Variants in SHTN1 observed in about 807,000 individuals in gnomAD.
SHTN1 encodes shootin-1.
Under a neutral mutation model 83.1 loss-of-function variants are expected in SHTN1, and 42 were observed. That is an observed-to-expected ratio of 0.51 (90% CI 0.39 to 0.65). SHTN1 has a LOEUF of 0.65. SHTN1 is among the 30% of genes least tolerant of loss of function. The pLI, the probability that SHTN1 is intolerant of heterozygous loss-of-function variation, is 0.00. For missense variants in SHTN1, 622 were observed against 737.8 expected, an observed-to-expected ratio of 0.84 and a Z score of 1.82; for synonymous variants, 224 against 247.7, an observed-to-expected ratio of 0.90 and a Z score of 0.90.
chr10:116,952,028 AT>A (rs757473379), intron 5 of SHTN1, 22 bp from the exon 6 acceptor site: 5 of 1,249,312 alleles, frequency 4.0e-6, no homozygotes, highest in East Asian at 5.4e-5. Flanking sequence ...AAGAAAAAAA[AT>A]ATATAAATAA....
intron 1 of SHTN1, among the ~76,000 whole-genome samples, chr10:117,059,811 A>G (rs1286473959): frequency 4.6e-5 from 7 of 152,170 alleles, no homozygotes; most frequent in Non-Finnish European, 8.8e-5. Context: ...ACAGTTTTGG[A>G]AGATTGTACC....
chr10:116,993,561 C>T (rs1463634710), intron 1 of SHTN1, among the ~76,000 whole-genome samples: 5 of 151,692 alleles, frequency 3.3e-5, no homozygotes, highest in African/African-American at 1.2e-4. Flanking sequence ...AAAAAAATAC[C>T]ATATATAATT....
chr10:117,063,327 T>C (rs1852928648), intron 1 of SHTN1, among the ~76,000 whole-genome samples: 1 of 152,192 alleles, frequency 6.6e-6, no homozygotes, highest in Non-Finnish European at 1.5e-5. Flanking sequence ...GGATCTGTCC[T>C]TTGGTGATCC....
At chr10:117,112,016 A>C (rs1853775060) in intron 1 of SHTN1, among the ~76,000 whole-genome samples, 1 of 151,998 alleles carries the variant, frequency 6.6e-6, no homozygotes, top group African/African-American at 2.4e-5. Context: ...CCCAGGCTGG[A>C]GTCCAGTGGC....
intron 1 of SHTN1, among the ~76,000 whole-genome samples, chr10:117,117,350 AAAG>A (rs558260403): frequency 1.3e-5 from 2 of 152,330 alleles, no homozygotes; most frequent in African/African-American, 4.8e-5. Context: ...CAATTTAAAC[AAAG>A]AAGTGAAAGA....
chr10:116,946,560 TA>T lies in SHTN1; in HGVS notation c.617-1543del, dbSNP rs1304408853. Among the ~76,000 whole-genome samples, 57 of 122,828 alleles carry T rather than the reference TA, an allele frequency of 4.6e-4. 5 individuals carry two copies. Among genetic ancestry groups the T allele is most frequent in the African/African-American group, 1.6e-3 (51 of 31,996 alleles). The allele number at this position is 122,828 out of a possible 152,430, so 80.6% of individuals were successfully genotyped here. A position where few individuals can be genotyped will look rare whatever the true frequency, so the allele number is the denominator to read the frequency against. Reference sequence around the variant, plus strand: ...TTATATATAAATATATAAAATGATTTATATATAAATATATAAAATGATTTAT... The same window carrying T: ...TTATATATAAATATATAAAATGATTTTATATAAATATATAAAATGATTTAT... On this transcript the variant is annotated intron_variant, in intron 7 of 16. Coordinates refer to ENST00000355371, the MANE Select transcript of SHTN1 (RefSeq NM_001127211.3).
intron 7 of SHTN1, among the ~76,000 whole-genome samples, chr10:116,945,485 T>A (rs1201841600): frequency 6.6e-6 from 1 of 152,194 alleles, no homozygotes; most frequent in Non-Finnish European, 1.5e-5. Context: ...GCAAAGTGAA[T>A]TCATTTTTGT....
intron 9 of SHTN1, among the ~76,000 whole-genome samples, chr10:116,937,413 G>T (rs184801378): frequency 6.6e-6 from 1 of 151,948 alleles, no homozygotes; most frequent in Non-Finnish European, 1.5e-5. Context: ...TTTCTCCTTC[G>T]CTTATGAAGC....
intron 9 of SHTN1, among the ~76,000 whole-genome samples, chr10:116,931,519 G>A (rs889261809): frequency 6.6e-5 from 10 of 152,188 alleles, no homozygotes; most frequent in Non-Finnish European, 1.3e-4. Flanking sequence ...AAGGTGCTGA[G>A]ATTACAGGCG....
intron 1 of SHTN1, among the ~76,000 whole-genome samples, chr10:117,058,378 A>G (rs1589914893): frequency 6.6e-6 from 1 of 152,220 alleles, no homozygotes; most frequent in Admixed American, 6.5e-5. Flanking sequence ...TTGAATGGAC[A>G]TTTTTCCAAA....
intron 12 of SHTN1, among the ~76,000 whole-genome samples, chr10:116,916,789 T>C (rs1848399606): frequency 6.6e-6 from 1 of 152,200 alleles, no homozygotes; most frequent in African/African-American, 2.4e-5. Context: ...AAGTCCACAA[T>C]AAGGGATCAC....
chr10:117,084,535 C>T (rs1338014910), intron 1 of SHTN1, among the ~76,000 whole-genome samples: 3 of 152,236 alleles, frequency 2.0e-5, no homozygotes, highest in African/African-American at 7.2e-5. Flanking sequence ...CAGAGGCAGG[C>T]AGGCCTCCTT....
At chr10:117,071,623 C>T (rs891462464) in intron 1 of SHTN1, among the ~76,000 whole-genome samples, 1 of 152,208 alleles carries the variant, frequency 6.6e-6, no homozygotes, top group African/African-American at 2.4e-5. Flanking sequence ...AGATTCTTGA[C>T]TCCTGGCCAG....
intron 1 of SHTN1, among the ~76,000 whole-genome samples, chr10:117,118,926 C>T (rs1853887315): frequency 6.6e-6 from 1 of 151,910 alleles, no homozygotes; most frequent in South Asian, 2.1e-4. Flanking sequence ...ACATATACCC[C>T]TGAACTTAAA....
chr10:116,930,659 CT>C (rs541388636), intron 9 of SHTN1, among the ~76,000 whole-genome samples: 68 of 152,284 alleles, frequency 4.5e-4, no homozygotes, highest in African/African-American at 1.5e-3. Flanking sequence ...GACTCCATGA[CT>C]TTGCTGTTGC....
chr10:117,086,023 C>A (rs538038568), intron 1 of SHTN1, among the ~76,000 whole-genome samples: 2 of 149,388 alleles, frequency 1.3e-5, no homozygotes, highest in African/African-American at 2.5e-5. Context: ...CGGGTTCAAG[C>A]GATTCTCCTG....
At chr10:117,056,660 G>T (rs566258253) in intron 1 of SHTN1, among the ~76,000 whole-genome samples, 2 of 151,834 alleles carry the variant, frequency 1.3e-5, no homozygotes, top group East Asian at 1.9e-4. Context: ...AAATACAAAA[G>T]ATTAGCCGGG....
chr10:117,078,463 T>G (rs1051757419), intron 1 of SHTN1, among the ~76,000 whole-genome samples: 1 of 152,038 alleles, frequency 6.6e-6, no homozygotes, highest in Admixed American at 6.6e-5. Flanking sequence ...CCTATGAGAG[T>G]AGTAGATTGT....
intron 1 of SHTN1, among the ~76,000 whole-genome samples, chr10:117,118,159 C>T (rs1476718310): frequency 6.6e-6 from 1 of 151,970 alleles, no homozygotes. Flanking sequence ...GGATTAAAAA[C>T]CAGACTATAT....
Sources: gnomAD v4.1 joint callset for allele counts (sites outside exome capture counted in the v4.1 genomes callset) on GRCh38, gnomAD v4.1.1 for gene constraint, MANE v1.5 for transcripts, NCBI Gene and HGNC (gene_info 2026-07-23, HGNC 2026-07-21) for gene names.